The following RBFOX1 variants were observed in gnomAD, a reference collection of about 807,000 sequenced individuals.
RBFOX1 encodes the protein RNA binding protein fox-1 homolog 1.
In RBFOX1, 8 loss-of-function variants were observed where a neutral mutation model predicts 57.7. That is an observed-to-expected ratio of 0.14 (90% CI 0.08 to 0.25). The LOEUF is 0.25. RBFOX1 is among the 10% of genes least tolerant of loss of function. The pLI is 1.00. For synonymous variants in RBFOX1, 326 were observed against 222.4 expected (o/e 1.47, Z -4.15); for missense variants, 611 against 548.5 (o/e 1.11, Z -1.14).
intron 4 of RBFOX1, among the ~76,000 whole-genome samples, chr16:7,322,736 G>C (rs1487781620): frequency 6.6e-6 from 1 of 152,120 alleles, no homozygotes; most frequent in Non-Finnish European, 1.5e-5. Flanking sequence ...CAATGGTATG[G>C]GAAAAAGCCA....
intron 4 of RBFOX1, among the ~76,000 whole-genome samples, chr16:5,971,699 A>G (rs1208885287): frequency 6.6e-6 from 1 of 152,156 alleles, no homozygotes; most frequent in Non-Finnish European, 1.5e-5. Context: ...TATACGAAGG[A>G]TATGAAGGAC....
intron 14 of RBFOX1, among the ~76,000 whole-genome samples, chr16:7,684,980 G>C (rs951837708): frequency 2.6e-5 from 4 of 152,070 alleles, no homozygotes; most frequent in African/African-American, 9.7e-5. Context: ...GAAATTTCAA[G>C]ATTTGAGTGG....
chr16:6,404,085 A>G (rs967462950), intron 2 of RBFOX1, among the ~76,000 whole-genome samples: 23 of 152,180 alleles, frequency 1.5e-4, no homozygotes, highest in African/African-American at 5.6e-4. Flanking sequence ...CTCCATGTCC[A>G]TGGACTCGGC....
intron 2 of RBFOX1, among the ~76,000 whole-genome samples, chr16:5,474,650 G>T (rs777931766): frequency 6.7e-6 from 1 of 148,852 alleles, no homozygotes; most frequent in Non-Finnish European, 1.5e-5. Context: ...GCGAGACTTC[G>T]TCTCAAAAAA....
At chr16:6,572,396 C>A (rs1168263964) in intron 2 of RBFOX1, among the ~76,000 whole-genome samples, 1 of 152,140 alleles carries the variant, frequency 6.6e-6, no homozygotes, top group African/African-American at 2.4e-5. Context: ...AATCTACTTA[C>A]AGGATCAAAA....
At chr16:7,598,882 AAAACAATGATCTAGCAATGTATTATC>A in intron 9 of RBFOX1, among the ~76,000 whole-genome samples, 1 of 152,336 alleles carries the variant, frequency 6.6e-6, no homozygotes. Context: ...ACAATAAAAG[AAAACAATGATCTAGCAATGTATTATC>A]ATTTGGTAGT....
chr16:7,578,247 T>C (rs2093484329), intron 5 of RBFOX1, among the ~76,000 whole-genome samples: 1 of 152,232 alleles, frequency 6.6e-6, no homozygotes, highest in Non-Finnish European at 1.5e-5. Context: ...CATTATTCTT[T>C]ATTTACCAGT....
Position 7,491,495 on chromosome 16 carries a change from A to C in RBFOX1, c.28-26652A>C, listed in dbSNP as rs1445234293. On this transcript the variant is annotated intron_variant, in intron 4 of 15. Coordinates refer to ENST00000550418, the MANE Select transcript of RBFOX1 (RefSeq NM_018723.4). ...AGGTGATGTGATCCCTCTGATTTTC[A>C]GAATTCCTTTGAGAGATCACTTGGC... Among the ~76,000 whole-genome samples, 4 of 151,656 alleles carry C rather than the reference A, an allele frequency of 2.6e-5. No homozygotes were observed. In the Admixed American group the frequency reaches 2.6e-4, roughly 10 times the overall value.
At chr16:7,430,604 G>T (rs910229045) in intron 4 of RBFOX1, among the ~76,000 whole-genome samples, 1 of 151,166 alleles carries the variant, frequency 6.6e-6, no homozygotes, top group East Asian at 1.9e-4. Flanking sequence ...AGAGGTTTCA[G>T]TGCCAAGATT....
At chr16:7,577,886 C>T (rs919843846) in intron 5 of RBFOX1, among the ~76,000 whole-genome samples, 1 of 152,160 alleles carries the variant, frequency 6.6e-6, no homozygotes, top group Non-Finnish European at 1.5e-5. Context: ...CAGAGCAAGA[C>T]CCAACTCCAA....
chr16:5,933,919 T>A (rs1443508182), intron 4 of RBFOX1, among the ~76,000 whole-genome samples: 3 of 152,134 alleles, frequency 2.0e-5, no homozygotes, highest in Non-Finnish European at 1.5e-5. Context: ...ACCCAATAAT[T>A]ATTTTTTCTG....
At chr16:6,548,149 C>G (rs1038045759) in intron 2 of RBFOX1, among the ~76,000 whole-genome samples, 10 of 152,174 alleles carry the variant, frequency 6.6e-5, no homozygotes, top group African/African-American at 2.4e-4. Context: ...TTAAATGTGT[C>G]ACTTTACTGA....
At chr16:6,647,315 G>A (rs1210712436) in intron 2 of RBFOX1, among the ~76,000 whole-genome samples, 1 of 151,982 alleles carries the variant, frequency 6.6e-6, no homozygotes, top group Non-Finnish European at 1.5e-5. Flanking sequence ...GTGATCTCAG[G>A]GCTCGCTGCA....
At chr16:5,746,614 T>C (rs1267273639) in intron 3 of RBFOX1, among the ~76,000 whole-genome samples, 2 of 152,236 alleles carry the variant, frequency 1.3e-5, no homozygotes, top group African/African-American at 2.4e-5. Flanking sequence ...TTTTATTTCA[T>C]TGAGCAGTTG....
intron 4 of RBFOX1, among the ~76,000 whole-genome samples, chr16:7,095,330 G>C (rs561580193): frequency 1.3e-5 from 2 of 152,232 alleles, no homozygotes; most frequent in African/African-American, 4.8e-5. Flanking sequence ...TAGAGACTGG[G>C]TTTCACTATA....
At chr16:7,264,898 C>G (rs1282406090) in intron 4 of RBFOX1, among the ~76,000 whole-genome samples, 1 of 152,288 alleles carries the variant, frequency 6.6e-6, no homozygotes, top group Middle Eastern at 3.4e-3. Flanking sequence ...TACCCCCAGT[C>G]CACCTTCCCA....
intron 1 of RBFOX1, among the ~76,000 whole-genome samples, chr16:6,193,734 C>T (rs886173335): frequency 2.6e-5 from 4 of 151,964 alleles, no homozygotes; most frequent in African/African-American, 4.8e-5. Flanking sequence ...TGAAACTGCC[C>T]ATTTCTTTGG....
intron 3 of RBFOX1, among the ~76,000 whole-genome samples, chr16:6,909,122 T>C (rs1361621049): frequency 6.6e-6 from 1 of 152,196 alleles, no homozygotes; most frequent in Non-Finnish European, 1.5e-5. Context: ...AAGTCCAAAA[T>C]GGGTCTTGCT....
chr16:6,751,918 C>A (rs978634386), intron 3 of RBFOX1, among the ~76,000 whole-genome samples: 1 of 152,118 alleles, frequency 6.6e-6, no homozygotes, highest in African/African-American at 2.4e-5. Context: ...GGGGTGCCAG[C>A]GTGAGTCCAG....
Sources: allele counts gnomAD v4.1 joint callset (sites outside exome capture counted in the v4.1 genomes callset), GRCh38; gene constraint gnomAD v4.1.1; transcripts MANE v1.5; gene names NCBI Gene and HGNC (gene_info 2026-07-23, HGNC 2026-07-21).